KLF12: variants seen among roughly 807,000 people sequenced by gnomAD.
KLF12 encodes the protein KLF transcription factor 12.
KLF12 carries 9 observed loss-of-function variants against 37.8 expected under a neutral mutation model. The observed-to-expected ratio is 0.24, with a 90% confidence interval of 0.14 to 0.42. KLF12 has a LOEUF of 0.42. Ranked by LOEUF, KLF12 falls within the 10% of genes least tolerant of loss-of-function variation. The pLI is 1.00. For missense variants in KLF12, 411 were observed against 516.0 expected, an observed-to-expected ratio of 0.80 and a Z score of 1.97; for synonymous variants, 208 against 202.1, an observed-to-expected ratio of 1.03 and a Z score of -0.25.
At chr13:74,086,424 C>T (rs1875304217) in intron 1 of KLF12, among the ~76,000 whole-genome samples, 1 of 151,904 alleles carries the variant, frequency 6.6e-6, no homozygotes, top group African/African-American at 2.4e-5. Flanking sequence ...CAATTTCATC[C>T]ATGTCCCTAC....
intron 1 of KLF12, among the ~76,000 whole-genome samples, chr13:74,075,572 G>A (rs1372992828): frequency 1.3e-5 from 2 of 152,144 alleles, no homozygotes; most frequent in Non-Finnish European, 2.9e-5. Flanking sequence ...GAGAACCACT[G>A]ATCATTAAAC....
chr13:73,839,769 A>G (rs1487724646), intron 4 of KLF12, among the ~76,000 whole-genome samples: 2 of 152,216 alleles, frequency 1.3e-5, no homozygotes, highest in Non-Finnish European at 2.9e-5. Flanking sequence ...TCTGAATTCT[A>G]AAGTCTATTT....
At chr13:74,233,449 G>A in the KLF12 span, among the ~76,000 whole-genome samples, 1 of 152,018 alleles carries the variant, frequency 6.6e-6, no homozygotes, top group Non-Finnish European at 1.5e-5. Context: ...AGTATTTCAC[G>A]AGCAATGGAA....
intron 5 of KLF12, among the ~76,000 whole-genome samples, chr13:73,807,986 G>A (rs28639603): frequency 0.2 from 29,949 of 151,894 alleles, 3,492 homozygotes; most frequent in East Asian, 0.45. Context: ...AAGAAGGAAA[G>A]GGGGTGCAAA....
chr13:74,220,879 G>C, the KLF12 span, among the ~76,000 whole-genome samples: 12 of 152,074 alleles, frequency 7.9e-5, no homozygotes, highest in Middle Eastern at 3.4e-3. Flanking sequence ...GCATTCCATT[G>C]TGTATATATA....
At chr13:73,775,029 T>C (rs1566359472) in intron 5 of KLF12, among the ~76,000 whole-genome samples, 1 of 151,866 alleles carries the variant, frequency 6.6e-6, no homozygotes, top group Non-Finnish European at 1.5e-5. Context: ...GTGATTCTCC[T>C]GCCTGGGCCT....
At chr13:74,104,507 T>C (rs936981056) in intron 1 of KLF12, among the ~76,000 whole-genome samples, 6 of 152,230 alleles carry the variant, frequency 3.9e-5, no homozygotes, top group African/African-American at 1.4e-4. Flanking sequence ...ATGTGACTGT[T>C]CACTGTATTT....
rs772418501 is a variant in KLF12, at chr13:73,715,382, C to T, written c.1013G>A (p.Arg338Gln). 5.6e-6 allele frequency: 9 copies of T among 1,613,490 alleles called. No homozygotes were observed. The highest frequency in any genetic ancestry group is 3.4e-6 in the Non-Finnish European group (4 of 1,179,786). Residue 338 changes from arginine (R) to glutamine (Q), a missense_variant, in exon 7 of 8, where the codon CGG becomes CAG. Coordinates refer to ENST00000377669, the MANE Select transcript of KLF12 (RefSeq NM_007249.5). ...CAGAGCGGTACCTGTATGTGTCCTCCGGTGAGCCTTCAGGTGAGAACTTTT... is the reference window on the plus strand; with the variant it reads ...CAGAGCGGTACCTGTATGTGTCCTCTGGTGAGCCTTCAGGTGAGAACTTTT...
At chr13:74,138,704 C>T (rs1417266121), upstream of KLF12, among the ~76,000 whole-genome samples, 2 of 152,154 alleles carry the variant, frequency 1.3e-5, no homozygotes, top group African/African-American at 4.8e-5. Flanking sequence ...CTTTTCCAGA[C>T]TCACCTCCAC....
chr13:74,129,229 T>C (rs1878123703), intron 1 of KLF12, among the ~76,000 whole-genome samples: 2 of 152,234 alleles, frequency 1.3e-5, no homozygotes, highest in Non-Finnish European at 1.5e-5. Context: ...ACAATGTAAA[T>C]GCTATATAAA....
At chr13:73,782,299 T>C (rs1190607498) in intron 5 of KLF12, among the ~76,000 whole-genome samples, 7 of 152,210 alleles carry the variant, frequency 4.6e-5, no homozygotes, top group African/African-American at 1.7e-4. Flanking sequence ...TTGTCCTTAC[T>C]TACTGGAGTC....
intron 5 of KLF12, among the ~76,000 whole-genome samples, chr13:73,774,283 T>TACAC (rs71704208): frequency 5.2e-4 from 75 of 145,370 alleles, no homozygotes; most frequent in African/African-American, 1.4e-3. Context: ...TATATATATA[T>TACAC]ACACACACAC....
intron 1 of KLF12, among the ~76,000 whole-genome samples, chr13:74,119,589 C>T (rs746317906): frequency 6.6e-6 from 1 of 152,110 alleles, no homozygotes; most frequent in African/African-American, 2.4e-5. Context: ...TTTCACTGAG[C>T]TAACAACAGA....
At chr13:74,275,868 A>T in the KLF12 span, among the ~76,000 whole-genome samples, 6,064 of 66,140 alleles carry the variant, frequency 0.092, 269 homozygotes, top group Middle Eastern at 0.14. Flanking sequence ...CTTTCTTTCT[A>T]TCTTTCTTTC....
chr13:73,902,256 G>C (rs982318459), intron 3 of KLF12, among the ~76,000 whole-genome samples: 12 of 152,254 alleles, frequency 7.9e-5, no homozygotes, highest in Admixed American at 2.0e-4. Context: ...AACTGTACAG[G>C]AGAGTATAAA....
intron 3 of KLF12, among the ~76,000 whole-genome samples, chr13:73,863,930 T>C (rs561791054): frequency 3.9e-5 from 6 of 152,120 alleles, no homozygotes; most frequent in African/African-American, 1.2e-4. Flanking sequence ...TGTATGTCAG[T>C]TTAGTACAGT....
At chr13:73,743,505 C>T (rs1878148225) in intron 6 of KLF12, among the ~76,000 whole-genome samples, 1 of 152,136 alleles carries the variant, frequency 6.6e-6, no homozygotes, top group African/African-American at 2.4e-5. Context: ...TTAAGACTTA[C>T]TATACAATTA....
chr13:74,232,499 T>C, the KLF12 span, among the ~76,000 whole-genome samples: 1 of 152,220 alleles, frequency 6.6e-6, no homozygotes, highest in Non-Finnish European at 1.5e-5. Flanking sequence ...GTTCTTGTCA[T>C]ATCTTTTTCC....
chr13:73,739,873 A>T (rs888452090), intron 6 of KLF12, among the ~76,000 whole-genome samples: 1 of 152,240 alleles, frequency 6.6e-6, no homozygotes, highest in Non-Finnish European at 1.5e-5. Context: ...CTTTTAAACA[A>T]ATTGTGTAAT....
Sources: gnomAD v4.1 joint callset for allele counts (sites outside exome capture counted in the v4.1 genomes callset) on GRCh38, gnomAD v4.1.1 for gene constraint, MANE v1.5 for transcripts, NCBI Gene and HGNC (gene_info 2026-07-23, HGNC 2026-07-21) for gene names.